The following TRHDE variants were observed in gnomAD, a reference collection of about 807,000 sequenced individuals.
TRHDE encodes the protein thyrotropin releasing hormone degrading enzyme, also known as thyrotropin-releasing hormone-degrading ectoenzyme.
TRHDE carries 72 observed loss-of-function variants against 125.7 expected under a neutral mutation model. That is an observed-to-expected ratio of 0.57 (90% CI 0.47 to 0.70). The LOEUF is 0.70. Among genes scored for constraint, TRHDE ranks in the 30% least tolerant of loss-of-function variants. The pLI is 0.00. For synonymous variants in TRHDE, 509 were observed against 509.1 expected (o/e 1.00, Z 0.00); for missense variants, 1,110 against 1,327.1 (o/e 0.84, Z 2.54).
At chr12:72,280,021 C>A (rs894733746) in intron 1 of TRHDE, among the ~76,000 whole-genome samples, 18 of 152,114 alleles carry the variant, frequency 1.2e-4, no homozygotes. Flanking sequence ...AATCTTATAT[C>A]TTTTAAAAAA....
intron 7 of TRHDE, among the ~76,000 whole-genome samples, chr12:72,553,325 C>T (rs1483891241): frequency 6.6e-6 from 1 of 152,022 alleles, no homozygotes; most frequent in African/African-American, 2.4e-5. Context: ...AATTGAAGGA[C>T]AGTACAACAA....
intron 3 of TRHDE, among the ~76,000 whole-genome samples, chr12:72,426,169 A>T (rs1405359608): frequency 6.6e-6 from 1 of 152,098 alleles, no homozygotes. Flanking sequence ...GTTATTGGAG[A>T]TATTCTAAAT....
chr12:72,330,489 G>A (rs1366374748), intron 2 of TRHDE, among the ~76,000 whole-genome samples: 2 of 152,180 alleles, frequency 1.3e-5, no homozygotes, highest in African/African-American at 4.8e-5. Context: ...CTACTCTCAC[G>A]GCGATGGGAG....
chr12:72,380,846 CTTCTCTCTCTCTCT>C (rs1380030614), intron 3 of TRHDE, among the ~76,000 whole-genome samples: 2 of 146,632 alleles, frequency 1.4e-5, no homozygotes, highest in African/African-American at 5.1e-5. Context: ...TCCCTCCCTC[CTTCTCTCTCTCTCT>C]TTCTCTCTCT....
chr12:72,319,038 C>T (rs140142201), intron 2 of TRHDE, among the ~76,000 whole-genome samples: 1,989 of 152,144 alleles, frequency 0.013, 12 homozygotes, highest in Non-Finnish European at 0.021. Flanking sequence ...GGAAGCTGGA[C>T]GGTGTACCAT....
chr12:72,656,770 G>A (rs1231282486), intron 17 of TRHDE, among the ~76,000 whole-genome samples, 157 bp from the exon 18 acceptor site: 1 of 152,054 alleles, frequency 6.6e-6, no homozygotes, highest in Non-Finnish European at 1.5e-5. Flanking sequence ...GTCCCTCCCT[G>A]ACTCCCTAGA....
chr12:72,179,581 A>G (rs912002925), intron 2 of TRHDE, among the ~76,000 whole-genome samples: 7 of 151,794 alleles, frequency 4.6e-5, no homozygotes, highest in African/African-American at 1.7e-4. Flanking sequence ...TTCAAATACC[A>G]CTTGCTTCAT....
intron 2 of TRHDE, among the ~76,000 whole-genome samples, chr12:72,241,068 C>G (rs1272584007): frequency 6.6e-6 from 1 of 152,030 alleles, no homozygotes; most frequent in African/African-American, 2.4e-5. Flanking sequence ...TTCCTTCTTC[C>G]TAAAAGGACT....
At chr12:72,417,056 C>T (rs1338775788) in intron 3 of TRHDE, among the ~76,000 whole-genome samples, 1 of 151,842 alleles carries the variant, frequency 6.6e-6, no homozygotes, top group African/African-American at 2.4e-5. Flanking sequence ...AATATTTTAC[C>T]ATTTTCATTG....
intron 2 of TRHDE, among the ~76,000 whole-genome samples, chr12:72,140,960 T>G (rs1282923481): frequency 6.6e-6 from 1 of 152,164 alleles, no homozygotes; most frequent in Non-Finnish European, 1.5e-5. Context: ...TCCTATAATG[T>G]AATAGTTCTG....
chr12:72,119,993 T>C (rs899085647), intron 2 of TRHDE, among the ~76,000 whole-genome samples: 4 of 152,146 alleles, frequency 2.6e-5, no homozygotes, highest in Non-Finnish European at 5.9e-5. Context: ...TCTATGTCTT[T>C]TGACTGGAGA....
chr12:72,397,832 ATTT>A (rs1411508498), intron 3 of TRHDE, among the ~76,000 whole-genome samples: 215 of 152,104 alleles, frequency 1.4e-3, no homozygotes, highest in African/African-American at 5.0e-3. Context: ...TAATTAATTT[ATTT>A]ATTTATTATT....
chr12:72,316,681 A>G (rs1419393844), intron 2 of TRHDE, among the ~76,000 whole-genome samples: 1 of 152,216 alleles, frequency 6.6e-6, no homozygotes, highest in Admixed American at 6.5e-5. Flanking sequence ...ACTCACTGAT[A>G]TGGCTCTAAA....
Position 72,644,346 on chromosome 12 carries a change from A to G in TRHDE, c.2676-7976A>G, listed in dbSNP as rs550481492. On this transcript the variant is annotated intron_variant, in intron 15 of 18. Transcript: ENST00000261180. ...CCATTTTCAAGGGTATCCCCAGAAG[A>G]CTGGCTTCTGTCTTGCCTGCCTTGG... Among the ~76,000 whole-genome samples the G allele has an allele frequency of 7.8e-4, 118 of 151,934 alleles. 7 individuals carry two copies. The highest frequency in any genetic ancestry group is 1.8e-4 in the Non-Finnish European group (12 of 68,028).
chr12:72,572,946 A>C (rs1328337525), intron 10 of TRHDE, among the ~76,000 whole-genome samples: 1 of 151,960 alleles, frequency 6.6e-6, no homozygotes, highest in African/African-American at 2.4e-5. Flanking sequence ...AACTTGTAAA[A>C]ATCCAAAGTA....
intron 2 of TRHDE, among the ~76,000 whole-genome samples, chr12:72,133,273 G>A (rs990111473): frequency 1.3e-5 from 2 of 152,194 alleles, no homozygotes; most frequent in Non-Finnish European, 2.9e-5. Context: ...CCTAGTGAAA[G>A]CAGTAACAGT....
At chr12:72,300,509 A>G (rs1880466653) in intron 2 of TRHDE, among the ~76,000 whole-genome samples, 1 of 151,714 alleles carries the variant, frequency 6.6e-6, no homozygotes, top group African/African-American at 2.4e-5. Context: ...TATTTAATAT[A>G]TATGTATTTA....
At chr12:72,361,386 C>T (rs1373788559) in intron 2 of TRHDE, among the ~76,000 whole-genome samples, 2 of 150,764 alleles carry the variant, frequency 1.3e-5, no homozygotes, top group Admixed American at 6.6e-5. Context: ...TATAAAATGC[C>T]AATAGTAATA....
Position 72,272,504 on chromosome 12 carries a change from C to T in TRHDE, c.-140C>T. On this transcript the variant is annotated 5_prime_UTR_variant, in exon 1 of 19. Transcript: ENST00000261180. The surrounding 1 kb of genome is among the most constrained non-coding windows in gnomAD (Gnocchi z 6.7). ...GCCGTCGCTTGTGTCCAGAACCCGTCTTAAAAGAACCCGGGCCAGCATCCC... is the reference window on the plus strand; with the variant it reads ...GCCGTCGCTTGTGTCCAGAACCCGTTTTAAAAGAACCCGGGCCAGCATCCC... 1.8e-6 allele frequency: 1 copy of T among 549,248 alleles called. No individual in the cohort carries two copies. Among genetic ancestry groups the T allele is most frequent in the East Asian group, 3.0e-5 (1 of 32,894 alleles). 34.0% of individuals were successfully genotyped at this position (549,248 alleles called of 1,614,324 possible). A position where few individuals can be genotyped will look rare whatever the true frequency, so the allele number is the denominator to read the frequency against.
Sources: allele counts gnomAD v4.1 joint callset (sites outside exome capture counted in the v4.1 genomes callset), GRCh38; gene constraint gnomAD v4.1.1; non-coding constraint Gnocchi (gnomAD v3.1); transcripts MANE v1.5; gene names NCBI Gene and HGNC (gene_info 2026-07-23, HGNC 2026-07-21).